CDH12: variants seen among roughly 807,000 people sequenced by gnomAD.
The protein encoded by CDH12 is cadherin 12, also known as cadherin-12.
In CDH12, 41 loss-of-function variants were observed where a neutral mutation model predicts 74.1. The observed-to-expected ratio is 0.55, with a 90% CI of 0.43 to 0.72. The LOEUF (loss-of-function observed/expected upper bound fraction) is 0.72. CDH12 is among the 30% of genes least tolerant of loss of function. CDH12 has a pLI of 0.00. For missense variants in CDH12, 945 were observed against 977.2 expected (o/e 0.97, Z 0.44); for synonymous variants, 399 against 355.0 (o/e 1.12, Z -1.39).
intron 4 of CDH12, among the ~76,000 whole-genome samples, chr5:22,176,171 A>G (rs1749328751): frequency 6.6e-6 from 1 of 151,836 alleles, no homozygotes; most frequent in Admixed American, 6.6e-5. Flanking sequence ...GTGAATGTCC[A>G]TATCATCCTT....
At chr5:22,369,472 G>A (rs1318228806) in intron 3 of CDH12, among the ~76,000 whole-genome samples, 1 of 151,772 alleles carries the variant, frequency 6.6e-6, no homozygotes, top group African/African-American at 2.4e-5. Context: ...TTAATTCCCT[G>A]AACAACAAGG....
At chr5:22,277,671 A>C (rs1042210292) in intron 3 of CDH12, among the ~76,000 whole-genome samples, 10 of 142,244 alleles carry the variant, frequency 7.0e-5, no homozygotes, top group Non-Finnish European at 1.4e-4. Flanking sequence ...TATCTCTACC[A>C]AAAATACAAA....
At chr5:22,137,852 C>G (rs920843357) in intron 4 of CDH12, among the ~76,000 whole-genome samples, 2 of 152,070 alleles carry the variant, frequency 1.3e-5, no homozygotes, top group Non-Finnish European at 2.9e-5. Flanking sequence ...TGGAGAAGCA[C>G]CTGCAATTTC....
At chr5:22,616,797 A>G (rs776519570) in intron 1 of CDH12, among the ~76,000 whole-genome samples, 2 of 152,010 alleles carry the variant, frequency 1.3e-5, no homozygotes, top group African/African-American at 2.4e-5. Flanking sequence ...TGGTATTAGG[A>G]GGTAGGACAC....
intron 1 of CDH12, among the ~76,000 whole-genome samples, chr5:22,583,462 A>G (rs1176882911): frequency 6.6e-6 from 1 of 152,224 alleles, no homozygotes; most frequent in Admixed American, 6.5e-5. Flanking sequence ...TTTATTGACC[A>G]CATGCCTAGG....
rs60523110 is a variant in CDH12 at position 22,428,206 on chromosome 5, TACACACAC to T, written c.-427-22863_-427-22856del. 8.8e-3 allele frequency among the ~76,000 whole-genome samples: 1,321 copies of T among 150,064 alleles called. 13 individuals are homozygous for T. The highest frequency in any genetic ancestry group is 0.03 in the African/African-American group (1,215 of 40,956). ...AAATACACACATATGTATATATATA[TACACACAC>T]ACACACACACACACACAATCTATGT... On this transcript the variant is annotated intron_variant, in intron 2 of 14. Coordinates refer to ENST00000382254, the MANE Select transcript of CDH12 (RefSeq NM_004061.5).
At chr5:21,810,460 T>C (rs1478771932) in intron 9 of CDH12, among the ~76,000 whole-genome samples, 1 of 152,086 alleles carries the variant, frequency 6.6e-6, no homozygotes, top group East Asian at 1.9e-4. Context: ...GGAAGCGGTG[T>C]TAGAAAAATC....
rs183953186 is a variant in CDH12 at position 22,459,078 on chromosome 5, A to G, written c.-428+46192T>C. Among the ~76,000 whole-genome samples the G allele has an allele frequency of 2.3e-4, 35 of 152,232 alleles. 1 individual carries two copies. The East Asian group carries it at 5.6e-3, about 24-fold the overall frequency. On this transcript the variant is annotated intron_variant, in intron 2 of 14. Transcript: ENST00000382254. Reference sequence around the variant, plus strand: ...CCCTCAGCAAGAAAATTAGTGTCCAACTGTTCCAGGTGTCTCTCTAAGAAT... The same window carrying G: ...CCCTCAGCAAGAAAATTAGTGTCCAGCTGTTCCAGGTGTCTCTCTAAGAAT...
At chr5:22,327,405 A>G (rs1739162465) in intron 3 of CDH12, among the ~76,000 whole-genome samples, 1 of 149,830 alleles carries the variant, frequency 6.7e-6, no homozygotes, top group African/African-American at 2.5e-5. Flanking sequence ...AGAGCCACTG[A>G]CCGGGAGATA....
intron 4 of CDH12, among the ~76,000 whole-genome samples, chr5:22,192,187 G>C (rs1750347894): frequency 6.6e-6 from 1 of 152,098 alleles, no homozygotes; most frequent in South Asian, 2.1e-4. Flanking sequence ...GCCTGCCTCG[G>C]CTTCCCAAAG....
At chr5:22,293,374 G>A (rs990579837) in intron 3 of CDH12, among the ~76,000 whole-genome samples, 1 of 151,988 alleles carries the variant, frequency 6.6e-6, no homozygotes, top group African/African-American at 2.4e-5. Flanking sequence ...TCATTTGAGT[G>A]CTCATTTTCT....
chr5:22,521,185 G>A (rs901976986), intron 1 of CDH12, among the ~76,000 whole-genome samples: 1 of 151,762 alleles, frequency 6.6e-6, no homozygotes. Context: ...CTGTATATTT[G>A]TAACTTAATG....
chr5:22,149,784 C>T (rs1747445468), intron 4 of CDH12, among the ~76,000 whole-genome samples: 2 of 151,954 alleles, frequency 1.3e-5, no homozygotes, highest in Non-Finnish European at 2.9e-5. Flanking sequence ...ATCACAAGGT[C>T]AGGAGTTCAA....
intron 4 of CDH12, among the ~76,000 whole-genome samples, chr5:22,194,011 G>A (rs1295299482): frequency 6.6e-6 from 1 of 152,130 alleles, no homozygotes; most frequent in East Asian, 1.9e-4. Flanking sequence ...ACTTACAAAT[G>A]TTAGAATTTG....
At chr5:22,698,728 T>C (rs1308515856) in intron 1 of CDH12, among the ~76,000 whole-genome samples, 18 of 15,126 alleles carry the variant, frequency 1.2e-3, no homozygotes, top group South Asian at 5.5e-3. Flanking sequence ...TATATATATA[T>C]ATATATAGTG....
At chr5:21,755,982 T>A (rs756795852) in intron 13 of CDH12, 140 bp from the exon 14 acceptor site, 1 of 714,202 alleles carries the variant, frequency 1.4e-6, no homozygotes, top group Non-Finnish European at 2.3e-6. Flanking sequence ...GTTCACATTA[T>A]GAAAACTGCC....
At chr5:22,136,295 G>A (rs1282995296) in intron 4 of CDH12, among the ~76,000 whole-genome samples, 2 of 151,900 alleles carry the variant, frequency 1.3e-5, no homozygotes, top group Non-Finnish European at 2.9e-5. Context: ...TAGGGGAAGA[G>A]TTCCATGTGG....
intron 1 of CDH12, among the ~76,000 whole-genome samples, chr5:22,805,838 G>T (rs2126432105): frequency 6.6e-6 from 1 of 152,084 alleles, no homozygotes; most frequent in Middle Eastern, 3.4e-3. Context: ...GCCCCGGTGT[G>T]TGATGTTCCC....
rs1271998762 is a variant in CDH12, at chr5:22,199,067, G to C, written c.-187+13431C>G. On this transcript the variant is annotated intron_variant, in intron 4 of 14. Coordinates refer to ENST00000382254, the MANE Select transcript of CDH12 (RefSeq NM_004061.5). ...CTTGAATTCTGATAATAGAGAAAGT[G>C]CCAGAGCACCCAGCTCTGCACCTGC... Among the ~76,000 whole-genome samples the C allele has an allele frequency of 3.3e-5, 5 of 152,212 alleles. No individual in the cohort carries two copies. In the East Asian group the frequency reaches 9.7e-4, roughly 29 times the overall value.
Sources: gnomAD v4.1 joint callset for allele counts (sites outside exome capture counted in the v4.1 genomes callset) on GRCh38, gnomAD v4.1.1 for gene constraint, MANE v1.5 for transcripts, NCBI Gene and HGNC (gene_info 2026-07-23, HGNC 2026-07-21) for gene names.